Variants in AGPS observed in about 807,000 individuals in gnomAD.
The protein encoded by AGPS is alkyldihydroxyacetonephosphate synthase, peroxisomal.
In AGPS, 26 loss-of-function variants were observed where a neutral mutation model predicts 90.7. The observed-to-expected ratio is 0.29, with a 90% CI of 0.21 to 0.40. The LOEUF (loss-of-function observed/expected upper bound fraction) is 0.40, where lower values mean the gene tolerates loss of function less well. Ranked by LOEUF, AGPS falls within the 10% of genes least tolerant of loss-of-function variation. The probability of loss-of-function intolerance (pLI) is 1.00; values close to 1 mark genes in which losing one functional copy is unlikely to be tolerated. For synonymous variants in AGPS, 294 were observed against 285.3 expected (o/e 1.03, Z -0.31); for missense variants, 540 against 816.1 (o/e 0.66, Z 4.12).
At chr2:177,473,991 A>G (rs570671976) in intron 10 of AGPS, among the ~76,000 whole-genome samples, 1 of 152,358 alleles carries the variant, frequency 6.6e-6, no homozygotes, top group East Asian at 1.9e-4. Context: ...ATATACAGAA[A>G]TTTAAGTCAT....
chr2:177,402,050 A>T (rs566354318), intron 1 of AGPS, among the ~76,000 whole-genome samples: 1 of 152,358 alleles, frequency 6.6e-6, no homozygotes, highest in South Asian at 2.1e-4. Flanking sequence ...CTTGGAACTT[A>T]CATTCCAGTG....
chr2:177,461,980 G>A lies in AGPS; in HGVS notation c.958G>A (p.Gly320Ser). The A allele has an allele frequency of 6.2e-7, 1 of 1,612,244 alleles. No individual in the cohort carries two copies. Among genetic ancestry groups the A allele is most frequent in the East Asian group, 2.2e-5 (1 of 44,778 alleles). ...AGGATGGGTATCTACTCGCGCATCA[G>A]GCATGAAGAAGAATATCTATGGCAA... is the stretch of plus-strand genomic sequence containing the variant. ...VGGWVSTRAS[G>S]MKKNIYGNIE... Residue 320 changes from glycine (G) to serine (S), a missense_variant, in exon 9 of 20, where the codon GGC becomes AGC. Gly to Ser is a moderately conservative substitution (Grantham distance 56). Transcript: ENST00000264167.
At chr2:177,439,604 T>G (rs1055945535) in intron 5 of AGPS, among the ~76,000 whole-genome samples, 1 of 152,228 alleles carries the variant, frequency 6.6e-6, no homozygotes, top group Non-Finnish European at 1.5e-5. Context: ...ATGACATGTT[T>G]TCTTAGCTTT....
intron 2 of AGPS, among the ~76,000 whole-genome samples, chr2:177,431,524 G>T (rs1467397969): frequency 6.6e-6 from 1 of 152,122 alleles, no homozygotes; most frequent in Non-Finnish European, 1.5e-5. Context: ...GGAGAACAGG[G>T]CGTAATTTCA....
intron 8 of AGPS, among the ~76,000 whole-genome samples, chr2:177,460,390 C>A (rs905833148): frequency 1.8e-4 from 27 of 152,118 alleles, no homozygotes; most frequent in African/African-American, 6.3e-4. Context: ...TGTTTCCCAT[C>A]TGTGAAAATA....
chr2:177,417,837 T>G (rs867378856), intron 1 of AGPS, among the ~76,000 whole-genome samples: 3 of 152,152 alleles, frequency 2.0e-5, no homozygotes, highest in South Asian at 4.1e-4. Context: ...ATTAAAAAAT[T>G]TAATCATATA....
chr2:177,455,807 T>C (rs1167614310), intron 8 of AGPS, among the ~76,000 whole-genome samples: 1 of 152,030 alleles, frequency 6.6e-6, no homozygotes, highest in Non-Finnish European at 1.5e-5. Flanking sequence ...TATACATTTT[T>C]CTCAATATTG....
chr2:177,464,422 T>C (rs1337606871), intron 9 of AGPS, among the ~76,000 whole-genome samples: 1 of 152,244 alleles, frequency 6.6e-6, no homozygotes, highest in Non-Finnish European at 1.5e-5. Flanking sequence ...TTCGTAACAT[T>C]AGTGCATATT....
chr2:177,477,303 C>T (rs1384190524), intron 10 of AGPS, among the ~76,000 whole-genome samples: 2 of 151,840 alleles, frequency 1.3e-5, no homozygotes, highest in Non-Finnish European at 2.9e-5. Context: ...TTTCAGTATA[C>T]TTTTTTGAGT....
At chr2:177,420,480 A>G (rs1685912505) in intron 2 of AGPS, 122 bp downstream of exon 2, 1 of 753,396 alleles carries the variant, frequency 1.3e-6, no homozygotes, top group East Asian at 2.7e-5. Context: ...ACATTTTGCC[A>G]TAACTGCTTT....
intron 8 of AGPS, 99 bp downstream of exon 8, chr2:177,445,725 T>C (rs1686749729): frequency 1.3e-6 from 1 of 791,172 alleles, no homozygotes; most frequent in African/African-American, 1.7e-5. Context: ...GTATCCCCTC[T>C]ATGAATGAAA....
intron 11 of AGPS, among the ~76,000 whole-genome samples, chr2:177,491,759 T>TCC (rs1688266515): frequency 2.7e-5 from 1 of 36,664 alleles, no homozygotes; most frequent in Non-Finnish European, 5.0e-5. Flanking sequence ...TATACTTTCC[T>TCC]TCCCCCCCCC....
chr2:177,537,248 T>C (rs1476505256), intron 19 of AGPS, among the ~76,000 whole-genome samples: 1 of 152,152 alleles, frequency 6.6e-6, no homozygotes, highest in Non-Finnish European at 1.5e-5. Flanking sequence ...TTACAAAAGT[T>C]CTACTTACAA....
At chr2:177,444,643 G>A (rs1048391873) in intron 7 of AGPS, among the ~76,000 whole-genome samples, 2 of 151,094 alleles carry the variant, frequency 1.3e-5, no homozygotes, top group African/African-American at 4.9e-5. Context: ...TGTATTGTCT[G>A]TTGTGCTCTT....
intron 5 of AGPS, among the ~76,000 whole-genome samples, chr2:177,437,904 T>C (rs986594271): frequency 6.6e-6 from 1 of 152,192 alleles, no homozygotes; most frequent in African/African-American, 2.4e-5. Flanking sequence ...CAAGAGCATA[T>C]GTAGCAGAGA....
chr2:177,399,915 G>C (rs1185127236), intron 1 of AGPS, among the ~76,000 whole-genome samples: 1 of 152,100 alleles, frequency 6.6e-6, no homozygotes, highest in Non-Finnish European at 1.5e-5. Flanking sequence ...CCTCCATGTT[G>C]CATCTAGTCA....
chr2:177,403,529 C>T (rs1427044574), intron 1 of AGPS, among the ~76,000 whole-genome samples: 1 of 152,072 alleles, frequency 6.6e-6, no homozygotes, highest in Non-Finnish European at 1.5e-5. Context: ...CTGCTAGGAG[C>T]TGAATGTCTG....
rs1306517322 is a variant in AGPS, at chr2:177,542,572, C to T, written c.*4377C>T. The T allele has an allele frequency of 6.6e-6, 1 of 152,094 alleles. No individual in the cohort carries two copies. The highest frequency in any genetic ancestry group is 1.9e-4 in the East Asian group (1 of 5,196). The allele number at this position is 152,094 out of a possible 1,614,324, so 9.4% of individuals were successfully genotyped here. On this transcript the variant is annotated 3_prime_UTR_variant, in exon 20 of 20. Transcript: ENST00000264167. ...CAAGGAAAAACATCTTGCAGAGACT[C>T]TGAATTCCAAATCTGAGTGAGAAAG...
At chr2:177,449,014 C>T (rs1322518771) in intron 8 of AGPS, among the ~76,000 whole-genome samples, 1 of 152,148 alleles carries the variant, frequency 6.6e-6, no homozygotes, top group Non-Finnish European at 1.5e-5. Flanking sequence ...TTGCATTTAT[C>T]AGTAGTTCAT....
Sources: gnomAD v4.1 joint callset for allele counts (sites outside exome capture counted in the v4.1 genomes callset) on GRCh38, gnomAD v4.1.1 for gene constraint, MANE v1.5 for transcripts, NCBI Gene and HGNC (gene_info 2026-07-23, HGNC 2026-07-21) for gene names.